Variants in ERBIN observed in about 807,000 individuals in gnomAD.
ERBIN encodes the protein densin-180-like protein.
ERBIN carries 60 observed loss-of-function variants against 158.4 expected under a neutral mutation model. That is an observed-to-expected ratio of 0.38 (90% CI 0.31 to 0.47). The LOEUF is 0.47. Among genes scored for constraint, ERBIN ranks in the 20% least tolerant of loss-of-function variants. The probability of loss-of-function intolerance (pLI) is 0.99; values close to 1 mark genes in which losing one functional copy is unlikely to be tolerated. For missense variants in ERBIN, 1,610 were observed against 1,648.0 expected, an observed-to-expected ratio of 0.98 and a Z score of 0.40; for synonymous variants, 594 against 557.2, an observed-to-expected ratio of 1.07 and a Z score of -0.93.
intron 25 of ERBIN, 99 bp downstream of exon 25, chr5:66,077,048 G>A (rs1022334660): frequency 2.3e-6 from 2 of 870,306 alleles, no homozygotes; most frequent in South Asian, 1.7e-5. Flanking sequence ...GTGGGTGGGA[G>A]GCTGAGGCAG....
intron 13 of ERBIN, among the ~76,000 whole-genome samples, chr5:66,027,680 A>C (rs1038406835): frequency 6.6e-6 from 1 of 152,068 alleles, no homozygotes; most frequent in Non-Finnish European, 1.5e-5. Flanking sequence ...TGCATAGGTT[A>C]TATGCAAATA....
At chr5:65,970,018 G>C (rs570747761) in intron 1 of ERBIN, among the ~76,000 whole-genome samples, 1 of 152,108 alleles carries the variant, frequency 6.6e-6, no homozygotes, top group Non-Finnish European at 1.5e-5. Context: ...TATATTGAGT[G>C]GTTTCACTTT....
Position 66,014,736 on chromosome 5 carries a change from G to A in ERBIN, c.533+11G>A, listed in dbSNP as rs2151111453. 1 of 1,334,284 alleles carries A rather than the reference G, an allele frequency of 7.5e-7. No individual in the cohort carries two copies. Among genetic ancestry groups the A allele is most frequent in the Non-Finnish European group, 1.0e-6 (1 of 984,178 alleles). 82.7% of individuals were successfully genotyped at this position (1,334,284 alleles called of 1,614,324 possible). On this transcript the variant is annotated intron_variant, in intron 7 of 25. Coordinates refer to ENST00000284037, the MANE Select transcript of ERBIN (RefSeq NM_001253697.2). ...AAAAATGTTGCCTAAGTAAGTAAAG[G>A]TGCTATTCTTTAAAAAACTTAATTT...
chr5:66,048,684 T>G lies in ERBIN; in HGVS notation c.1806T>G (p.Ser602=). The G allele has an allele frequency of 1.2e-6, 2 of 1,606,516 alleles. No individual in the cohort carries two copies. Among genetic ancestry groups the G allele is most frequent in the South Asian group, 2.3e-5 (2 of 88,616 alleles). The stretch of plus-strand genomic sequence containing the variant: ...TTCACTAGGAATCTGAAGAACTTTC[T>G]TCTGATGAAGAGATGAAAATGGCGG... ...DDVFEESEEL[S]SDEEMKMAEM... The change falls in exon 19 of 26, where the codon TCT becomes TCG. Residue 602 remains serine, a synonymous_variant. Coordinates refer to ENST00000284037, the MANE Select transcript of ERBIN (RefSeq NM_001253697.2).
chr5:66,029,590 CTGTCCTGTCT>C (rs1261050812), intron 14 of ERBIN, among the ~76,000 whole-genome samples: 2 of 151,982 alleles, frequency 1.3e-5, no homozygotes, highest in African/African-American at 2.4e-5. Flanking sequence ...CTGTCCTGTC[CTGTCCTGTCT>C]TGTCCTGTCC....
chr5:65,930,911 T>C (rs183307003), intron 1 of ERBIN, among the ~76,000 whole-genome samples: 1 of 152,368 alleles, frequency 6.6e-6, no homozygotes, highest in Non-Finnish European at 1.5e-5. Flanking sequence ...ACAATAGTAC[T>C]CTATCACTCT....
At chr5:65,983,601 A>C (rs1750879727) in intron 1 of ERBIN, among the ~76,000 whole-genome samples, 2 of 152,174 alleles carry the variant, frequency 1.3e-5, no homozygotes, top group Non-Finnish European at 2.9e-5. Context: ...ATGATCTTAC[A>C]CAACCACTAA....
chr5:66,026,042 G>C lies in ERBIN; in HGVS notation c.1020+65G>C, dbSNP rs1011123351. On this transcript the variant is annotated intron_variant, in intron 12 of 25. Coordinates refer to ENST00000284037, the MANE Select transcript of ERBIN (RefSeq NM_001253697.2). The stretch of plus-strand genomic sequence containing the variant: ...TTTTTTTCTGATTATCTTCATTATA[G>C]CTATTTAGTGTGGCTTCATTTATTT... The C allele has an allele frequency of 2.3e-6, 3 of 1,317,758 alleles. No individual in the cohort carries two copies. In the Admixed American group the frequency reaches 7.6e-5, roughly 34 times the overall value. 81.6% of individuals were successfully genotyped at this position (1,317,758 alleles called of 1,614,324 possible). A position where few individuals can be genotyped will look rare whatever the true frequency, so the allele number is the denominator to read the frequency against.
chr5:66,028,137 C>T (rs1756472980), intron 13 of ERBIN, 137 bp from the exon 14 acceptor site: 1 of 533,714 alleles, frequency 1.9e-6, no homozygotes, highest in East Asian at 3.1e-5. Flanking sequence ...TTATATTGGA[C>T]TTTTCTCGAT....
intron 25 of ERBIN, among the ~76,000 whole-genome samples, chr5:66,077,697 T>C (rs968384044): frequency 6.6e-6 from 1 of 151,850 alleles, no homozygotes; most frequent in Non-Finnish European, 1.5e-5. Context: ...TCGTTCATAA[T>C]TTGCTACATT....
At chr5:65,976,901 C>T (rs372494784) in intron 1 of ERBIN, among the ~76,000 whole-genome samples, 1 of 151,490 alleles carries the variant, frequency 6.6e-6, no homozygotes, top group Non-Finnish European at 1.5e-5. Context: ...AATGAAAAGT[C>T]TCCCATGTCT....
intron 1 of ERBIN, among the ~76,000 whole-genome samples, chr5:65,936,714 T>G (rs1744122521): frequency 6.6e-6 from 1 of 152,166 alleles, no homozygotes; most frequent in Non-Finnish European, 1.5e-5. Flanking sequence ...TAAAAACAAT[T>G]ACCTTAATCT....
intron 8 of ERBIN, 126 bp from the exon 9 acceptor site, chr5:66,023,164 C>T: frequency 1.5e-6 from 1 of 688,016 alleles, no homozygotes; most frequent in Non-Finnish European, 2.5e-6. Context: ...TTTCCTTCTC[C>T]CTGCTCCTTT....
In ERBIN at chr5:66,049,106, A is replaced by C. The variant is rs557948488; in HGVS notation, c.1903+325A>C. ...TGTGTACATATCTGATTTGACATAC[A>C]ATGAGGCTAATGAAGGATTTTTGCA... On this transcript the variant is annotated intron_variant, in intron 19 of 25. Transcript: ENST00000284037. 5.3e-5 allele frequency among the ~76,000 whole-genome samples: 8 copies of C among 152,224 alleles called. No homozygotes were observed. In the South Asian group the frequency reaches 1.7e-3, roughly 32 times the overall value.
intron 4 of ERBIN, among the ~76,000 whole-genome samples, chr5:66,004,877 C>T (rs1259546815): frequency 1.3e-5 from 2 of 152,110 alleles, no homozygotes; most frequent in African/African-American, 2.4e-5. Context: ...GGACTGTTCC[C>T]GGGGTAACTA....
At chr5:65,937,910 A>T (rs550841299) in intron 1 of ERBIN, among the ~76,000 whole-genome samples, 1 of 152,094 alleles carries the variant, frequency 6.6e-6, no homozygotes, top group African/African-American at 2.4e-5. Flanking sequence ...TCCCATCTCA[A>T]AATAATAATA....
chr5:65,985,534 T>A (rs1237070483), intron 1 of ERBIN, among the ~76,000 whole-genome samples: 1 of 152,224 alleles, frequency 6.6e-6, no homozygotes, highest in Non-Finnish European at 1.5e-5. Flanking sequence ...CAGCCAAGAT[T>A]TGTTTTTCTT....
intron 6 of ERBIN, 82 bp downstream of exon 6, chr5:66,013,720 C>T (rs1328795264): frequency 1.2e-6 from 1 of 828,176 alleles, no homozygotes; most frequent in East Asian, 2.5e-5. Context: ...GGTAGTACTA[C>T]TCATTACAGT....
intron 15 of ERBIN, among the ~76,000 whole-genome samples, chr5:66,041,997 T>A (rs1467602842): frequency 6.6e-6 from 1 of 151,980 alleles, no homozygotes; most frequent in Non-Finnish European, 1.5e-5. Context: ...TCATTCCCAT[T>A]GGTAAGATTT....
Sources: gnomAD v4.1 joint callset for allele counts (sites outside exome capture counted in the v4.1 genomes callset) on GRCh38, gnomAD v4.1.1 for gene constraint, MANE v1.5 for transcripts, NCBI Gene and HGNC (gene_info 2026-07-23, HGNC 2026-07-21) for gene names.